Variants in SASH1 observed in about 807,000 individuals in gnomAD.
SASH1 encodes the protein SAM and SH3 domain containing 1.
In SASH1, 44 loss-of-function variants were observed where a neutral mutation model predicts 125.2. That is an observed-to-expected ratio of 0.35 (90% CI 0.28 to 0.45). The LOEUF (loss-of-function observed/expected upper bound fraction) is 0.45, where lower values mean the gene tolerates loss of function less well. Ranked by LOEUF, SASH1 falls within the 20% of genes least tolerant of loss-of-function variation. The probability of loss-of-function intolerance (pLI) is 1.00; values close to 1 mark genes in which losing one functional copy is unlikely to be tolerated. For missense variants in SASH1, 1,426 were observed against 1,614.5 expected (o/e 0.88, Z 2.00); for synonymous variants, 639 against 649.1 (o/e 0.98, Z 0.24).
chr6:148,459,729 T>C (rs915556385), intron 4 of SASH1, among the ~76,000 whole-genome samples: 3 of 132,438 alleles, frequency 2.3e-5, no homozygotes, highest in African/African-American at 1.0e-4. Flanking sequence ...GCTAGCTTAT[T>C]TTATTTAATT....
intron 2 of SASH1, among the ~76,000 whole-genome samples, chr6:148,413,512 C>T (rs935724759): frequency 3.3e-5 from 5 of 152,128 alleles, no homozygotes; most frequent in Non-Finnish European, 5.9e-5. Context: ...GCTCATCTTA[C>T]GATATGTATT....
chr6:148,505,406 C>T (rs1583269230), intron 8 of SASH1, among the ~76,000 whole-genome samples: 1 of 152,182 alleles, frequency 6.6e-6, no homozygotes, highest in African/African-American at 2.4e-5. Flanking sequence ...CACTGCCTCC[C>T]AGGTTCAAGC....
intron 4 of SASH1, among the ~76,000 whole-genome samples, chr6:148,455,702 A>G (rs1209773287): frequency 3.7e-4 from 56 of 152,208 alleles, no homozygotes; most frequent in Admixed American, 6.5e-5. Context: ...TCCATTAGCC[A>G]TGTCTGTGAA....
intron 1 of SASH1, among the ~76,000 whole-genome samples, chr6:148,374,709 G>C (rs908441449): frequency 1.3e-5 from 2 of 151,536 alleles, no homozygotes; most frequent in East Asian, 2.0e-4. Flanking sequence ...TTTTTTGGGG[G>C]GGGGGGAGAT....
intron 8 of SASH1, among the ~76,000 whole-genome samples, chr6:148,501,269 T>A (rs1779550383): frequency 6.6e-6 from 1 of 152,078 alleles, no homozygotes; most frequent in Non-Finnish European, 1.5e-5. Context: ...GATACATGAG[T>A]CATTCAGCCT....
chr6:148,315,229 A>T (rs996557911), intron 1 of SASH1, among the ~76,000 whole-genome samples: 7 of 152,232 alleles, frequency 4.6e-5, no homozygotes, highest in African/African-American at 1.7e-4. Context: ...TATAGTAAGC[A>T]CTTTTCCACA....
chr6:148,511,029 T>A (rs1780089572), intron 8 of SASH1, among the ~76,000 whole-genome samples: 2 of 151,432 alleles, frequency 1.3e-5, no homozygotes, highest in Admixed American at 1.3e-4. Context: ...ACATGCTGTG[T>A]TATTTTCAGC....
chr6:148,450,680 T>C (rs187122350), intron 4 of SASH1, among the ~76,000 whole-genome samples: 22 of 134,386 alleles, frequency 1.6e-4, no homozygotes, highest in Non-Finnish European at 2.4e-4. Context: ...GAATCTCTTA[T>C]TATATGTTAT....
intron 15 of SASH1, among the ~76,000 whole-genome samples, chr6:148,534,233 C>G (rs1162521587): frequency 2.0e-5 from 3 of 152,202 alleles, no homozygotes; most frequent in Non-Finnish European, 4.4e-5. Context: ...GCTGGAAGAG[C>G]TGTAGGCAGA....
At chr6:148,377,030 C>T (rs1453739848) in intron 1 of SASH1, among the ~76,000 whole-genome samples, 15 of 149,382 alleles carry the variant, frequency 1.0e-4, no homozygotes, top group Admixed American at 7.3e-4. Context: ...ATTAGCCGGG[C>T]GTAGTGGCGG....
rs147176283 is a variant in SASH1, at chr6:148,441,034, A to C, written c.386+627A>C. 2.6e-3 allele frequency among the ~76,000 whole-genome samples: 403 copies of C among 152,346 alleles called. 2 individuals carry two copies. Among genetic ancestry groups the C allele is most frequent in the East Asian group, 0.024 (126 of 5,188 alleles). The stretch of plus-strand genomic sequence containing the variant: ...AACATAAATAAGACAAAAACAAGAG[A>C]ATCTTTTTTCTAAAACCTTTTCTTT... On this transcript the variant is annotated intron_variant, in intron 4 of 19. Transcript: ENST00000367467.
chr6:148,348,665 T>C (rs1473737497), intron 1 of SASH1, among the ~76,000 whole-genome samples: 1 of 152,178 alleles, frequency 6.6e-6, no homozygotes, highest in Admixed American at 6.5e-5. Context: ...ATGCAGATAG[T>C]AGATGGGGAA....
At chr6:148,245,283 G>C in the SASH1 span, among the ~76,000 whole-genome samples, 1 of 152,162 alleles carries the variant, frequency 6.6e-6, no homozygotes, top group Admixed American at 6.5e-5. Flanking sequence ...ATAACACCAG[G>C]TAGCCTGCAA....
At chr6:148,211,062 C>T in the SASH1 span, among the ~76,000 whole-genome samples, 3,720 of 152,264 alleles carry the variant, frequency 0.024, 137 homozygotes, top group African/African-American at 0.085. Context: ...CATCCTCAAC[C>T]TTGTGGCCTC....
intron 2 of SASH1, among the ~76,000 whole-genome samples, chr6:148,409,332 G>A (rs190666661): frequency 1.3e-5 from 2 of 152,270 alleles, no homozygotes; most frequent in Admixed American, 6.5e-5. Flanking sequence ...TAAATAGATG[G>A]TATTTTATGA....
At chr6:148,236,336 C>T in the SASH1 span, among the ~76,000 whole-genome samples, 1 of 152,028 alleles carries the variant, frequency 6.6e-6, no homozygotes. Context: ...GCCTCAGCCT[C>T]CTGAGTAGCT....
At chr6:148,305,637 A>AG (rs1301336938) in intron 1 of SASH1, among the ~76,000 whole-genome samples, 16 of 150,008 alleles carry the variant, frequency 1.1e-4, no homozygotes, top group East Asian at 2.0e-4. Context: ...AAAAAAAAAA[A>AG]AAAAAAAGAA....
chr6:148,527,989 G>T (rs1860970), intron 12 of SASH1, among the ~76,000 whole-genome samples: 16,319 of 53,070 alleles, frequency 0.31, 1,164 homozygotes, highest in Middle Eastern at 0.39. Flanking sequence ...TTTTTTTTTT[G>T]GGGGGGGGGG....
intron 1 of SASH1, among the ~76,000 whole-genome samples, chr6:148,292,653 G>T (rs78362745): frequency 0.015 from 2,243 of 152,252 alleles, 19 homozygotes; most frequent in South Asian, 0.027. Flanking sequence ...GCTGTACCCT[G>T]GCAACTCAGT....
Sources: allele counts gnomAD v4.1 joint callset (sites outside exome capture counted in the v4.1 genomes callset), GRCh38; gene constraint gnomAD v4.1.1; transcripts MANE v1.5; gene names NCBI Gene and HGNC (gene_info 2026-07-23, HGNC 2026-07-21).